MCPH1: variants seen among roughly 807,000 people sequenced by gnomAD.
The protein encoded by MCPH1 is microcephalin.
In MCPH1, 104 loss-of-function variants were observed where a neutral mutation model predicts 84.5. The observed-to-expected ratio is 1.23, with a 90% CI of 1.05 to 1.45. MCPH1 has a LOEUF of 1.45. Ranked by LOEUF, MCPH1 falls within the 40% of genes most tolerant of loss-of-function variation. The probability of loss-of-function intolerance (pLI) is 0.00; values close to 1 mark genes in which losing one functional copy is unlikely to be tolerated. For synonymous variants in MCPH1, 514 were observed against 366.8 expected (o/e 1.40, Z -4.58); for missense variants, 1,498 against 1,005.7 (o/e 1.49, Z -6.62).
At chr8:6,411,012 C>T (rs1186311536) in intron 2 of MCPH1, among the ~76,000 whole-genome samples, 5 of 152,054 alleles carry the variant, frequency 3.3e-5, no homozygotes, top group Non-Finnish European at 5.9e-5. Flanking sequence ...ATCGTTTGAA[C>T]CTGGGAGGCG....
intron 12 of MCPH1, among the ~76,000 whole-genome samples, chr8:6,604,771 C>A (rs1355111606): frequency 6.6e-6 from 1 of 152,218 alleles, no homozygotes; most frequent in Non-Finnish European, 1.5e-5. Context: ...TCCCAAAGTG[C>A]TGGGATTACA....
intron 12 of MCPH1, among the ~76,000 whole-genome samples, chr8:6,504,462 G>A (rs1451903966): frequency 2.0e-5 from 3 of 151,960 alleles, no homozygotes; most frequent in Non-Finnish European, 4.4e-5. Flanking sequence ...GTCTACATCC[G>A]GTCTCCTGAT....
intron 12 of MCPH1, among the ~76,000 whole-genome samples, chr8:6,596,035 C>T (rs1344451145): frequency 6.6e-6 from 1 of 152,116 alleles, no homozygotes; most frequent in Non-Finnish European, 1.5e-5. Flanking sequence ...TTTATTTTTA[C>T]AAAAAAGTAT....
At chr8:6,633,962 G>A (rs770440485) in intron 13 of MCPH1, among the ~76,000 whole-genome samples, 13 of 152,218 alleles carry the variant, frequency 8.5e-5, no homozygotes, top group Non-Finnish European at 1.8e-4. Flanking sequence ...CAGTATAAGT[G>A]TGAAGCGTCT....
At chr8:6,523,376 T>C (rs1314887245) in intron 12 of MCPH1, among the ~76,000 whole-genome samples, 1 of 152,218 alleles carries the variant, frequency 6.6e-6, no homozygotes, top group African/African-American at 2.4e-5. Context: ...AATGGTTATA[T>C]AGTTTGCCTT....
chr8:6,419,395 T>C (rs563691883), intron 3 of MCPH1, among the ~76,000 whole-genome samples: 1 of 143,314 alleles, frequency 7.0e-6, no homozygotes, highest in African/African-American at 2.6e-5. Context: ...CATTAAAAAA[T>C]TTTTTTTTTC....
At chr8:6,572,155 G>A (rs973063027) in intron 12 of MCPH1, among the ~76,000 whole-genome samples, 3 of 149,094 alleles carry the variant, frequency 2.0e-5, no homozygotes, top group Non-Finnish European at 3.0e-5. Flanking sequence ...AGTATTAAAC[G>A]TACCAAGTTC....
chr8:6,481,874 G>T (rs1423526907), intron 11 of MCPH1, among the ~76,000 whole-genome samples: 1 of 152,142 alleles, frequency 6.6e-6, no homozygotes, highest in African/African-American at 2.4e-5. Context: ...GTTTTGTTTT[G>T]TGTAGTTTCA....
chr8:6,609,819 G>GCCGC (rs1554476373), intron 12 of MCPH1, among the ~76,000 whole-genome samples: 1 of 104,022 alleles, frequency 9.6e-6, no homozygotes, highest in Non-Finnish European at 2.3e-5. Context: ...AATGCCCCCC[G>GCCGC]CCCCCCCCCC....
At chr8:6,622,098 C>A (rs941739097) in intron 13 of MCPH1, 3 of 333,196 alleles carry the variant, frequency 9.0e-6, no homozygotes, top group Middle Eastern at 9.8e-4. Context: ...GCCCCCGTCC[C>A]TGTCATCTCC....
chr8:6,500,748 T>C (rs1237425547), intron 12 of MCPH1: 1 of 152,224 alleles, frequency 6.6e-6, no homozygotes, highest in Non-Finnish European at 1.5e-5. Context: ...GCAAAACTGT[T>C]TGTTTGAAAT....
intron 13 of MCPH1, among the ~76,000 whole-genome samples, chr8:6,627,786 G>A (rs1796856763): frequency 6.6e-6 from 1 of 152,144 alleles, no homozygotes; most frequent in South Asian, 2.1e-4. Flanking sequence ...AGCTACATGA[G>A]AGGCTAAGGT....
intron 9 of MCPH1, among the ~76,000 whole-genome samples, chr8:6,474,788 C>T (rs571450277): frequency 6.6e-6 from 1 of 152,170 alleles, no homozygotes; most frequent in Non-Finnish European, 1.5e-5. Flanking sequence ...TTGCCGAGGG[C>T]AGGTATTTGA....
chr8:6,409,422 A>G, intron 2 of MCPH1, 52 bp downstream of exon 2: 1 of 1,408,266 alleles, frequency 7.1e-7, no homozygotes. Context: ...TGATTGGTAA[A>G]AAGTTACATT....
At chr8:6,449,758 C>G (rs1365523454) in intron 8 of MCPH1, among the ~76,000 whole-genome samples, 1 of 152,016 alleles carries the variant, frequency 6.6e-6, no homozygotes, top group Non-Finnish European at 1.5e-5. Context: ...TGGAGATCTT[C>G]TTGTTTTAAC....
chr8:6,517,356 C>G (rs936862087), intron 12 of MCPH1, among the ~76,000 whole-genome samples: 32 of 152,292 alleles, frequency 2.1e-4, no homozygotes, highest in African/African-American at 7.5e-4. Flanking sequence ...GGTTAAATAG[C>G]AAACCATAGA....
intron 3 of MCPH1, among the ~76,000 whole-genome samples, chr8:6,426,310 C>G (rs1298289556): frequency 7.2e-5 from 11 of 152,220 alleles, no homozygotes; most frequent in Admixed American, 5.9e-4. Context: ...TTCATCACCC[C>G]AAAATCTCCT....
intron 12 of MCPH1, chr8:6,521,105 AT>A: frequency 8.0e-7 from 1 of 1,245,100 alleles, no homozygotes; most frequent in South Asian, 1.4e-5. Context: ...AAAGGTGAGA[AT>A]TTTTTAGTCT....
intron 6 of MCPH1, among the ~76,000 whole-genome samples, chr8:6,441,792 A>T (rs1241114013): frequency 6.6e-6 from 1 of 152,228 alleles, no homozygotes; most frequent in African/African-American, 2.4e-5. Context: ...CTGGTTGGGA[A>T]GCAGTGCTCT....
Sources: gnomAD v4.1 joint callset for allele counts (sites outside exome capture counted in the v4.1 genomes callset) on GRCh38, gnomAD v4.1.1 for gene constraint, MANE v1.5 for transcripts, NCBI Gene and HGNC (gene_info 2026-07-23, HGNC 2026-07-21) for gene names.